The following BEAN1 variants were observed in gnomAD, a reference collection of about 807,000 sequenced individuals.
BEAN1 encodes the protein protein BEAN1.
In BEAN1, 17 loss-of-function variants were observed where a neutral mutation model predicts 17.7. The observed-to-expected ratio is 0.96, with a 90% CI of 0.66 to 1.44. BEAN1 has a LOEUF of 1.44. Ranked by LOEUF, BEAN1 falls within the 40% of genes most tolerant of loss-of-function variation. BEAN1 has a pLI of 0.00. For synonymous variants in BEAN1, 142 were observed against 151.8 expected, an observed-to-expected ratio of 0.94 and a Z score of 0.47; for missense variants, 359 against 374.1, an observed-to-expected ratio of 0.96 and a Z score of 0.33.
rs1964002921 is a variant in BEAN1 at position 66,482,025 on chromosome 16, C to T, written c.*1100C>T. The T allele has an allele frequency of 6.6e-6, 1 of 152,312 alleles. No individual in the cohort carries two copies. Among genetic ancestry groups the T allele is most frequent in the Non-Finnish European group, 1.5e-5 (1 of 68,096 alleles). 9.4% of individuals were successfully genotyped at this position (152,312 alleles called of 1,614,324 possible). A position where few individuals can be genotyped will look rare whatever the true frequency, so the allele number is the denominator to read the frequency against. On this transcript the variant is annotated 3_prime_UTR_variant, in exon 5 of 5. Coordinates refer to ENST00000536005, the MANE Select transcript of BEAN1 (RefSeq NM_001178020.3). ...CCCCATAAATACCACCTTGCCACCACAAGAGGACCAGAAGGCTACTCAGCC... is the reference window on the plus strand; with the variant it reads ...CCCCATAAATACCACCTTGCCACCATAAGAGGACCAGAAGGCTACTCAGCC...
intron 4 of BEAN1, 177 bp downstream of exon 4, chr16:66,477,887 C>A: frequency 3.2e-6 from 2 of 621,194 alleles, no homozygotes; most frequent in Non-Finnish European, 2.5e-6. Context: ...CCCACTGAGG[C>A]AGTGTGACTT....
intron 2 of BEAN1, among the ~76,000 whole-genome samples, chr16:66,460,348 C>T (rs929214343): frequency 6.6e-6 from 1 of 152,176 alleles, no homozygotes; most frequent in African/African-American, 2.4e-5. Context: ...GAGTTTAGAG[C>T]CTGATGGATG....
Position 66,480,786 on chromosome 16 carries a change from C to A in BEAN1, c.641C>A (p.Pro214His). Residue 214 changes from proline to histidine, a missense_variant, in exon 5 of 5, where the codon CCC (proline) becomes CAC (histidine). By Grantham distance (77) the Pro-to-His change is moderately conservative. Transcript: ENST00000536005. ...GLHTVSMDTL[P>H]PYEAVCGAGP... ...CACACGGTCTCCATGGACACCCTTCCCCCCTACGAGGCTGTGTGCGGGGCT... is the reference window on the plus strand; with the variant it reads ...CACACGGTCTCCATGGACACCCTTCACCCCTACGAGGCTGTGTGCGGGGCT... 6.4e-7 allele frequency: 1 copy of A among 1,550,480 alleles called. No individual in the cohort carries two copies. Among genetic ancestry groups the A allele is most frequent in the South Asian group, 1.2e-5 (1 of 83,930 alleles).
At chr16:66,453,059 A>T (rs1397569935) in intron 2 of BEAN1, among the ~76,000 whole-genome samples, 1 of 152,158 alleles carries the variant, frequency 6.6e-6, no homozygotes, top group Non-Finnish European at 1.5e-5. Context: ...TTTCAAAAAA[A>T]CAACTTTTGG....
At position 66,471,282 on chromosome 16, in the gene BEAN1, G is replaced by A. The variant is rs1419663264; in HGVS notation, c.289+1417G>A. 6.6e-6 allele frequency among the ~76,000 whole-genome samples: 1 copy of A among 152,218 alleles called. No individual in the cohort carries two copies. Among genetic ancestry groups the A allele is most frequent in the Admixed American group, 6.5e-5 (1 of 15,286 alleles). On this transcript the variant is annotated intron_variant, in intron 3 of 4. Coordinates refer to ENST00000536005, the MANE Select transcript of BEAN1 (RefSeq NM_001178020.3). The surrounding 1 kb of genome is among the most constrained non-coding windows in gnomAD (Gnocchi z 4.7). ...ACAGGAGCCTGGGTAGTAATGGCCA[G>A]TGAGTAAGGAGTGCTTGCTGGGTGC...
intron 2 of BEAN1, among the ~76,000 whole-genome samples, chr16:66,457,536 C>T (rs908633415): frequency 6.6e-6 from 1 of 152,156 alleles, no homozygotes; most frequent in African/African-American, 2.4e-5. Flanking sequence ...GTATCCTTTT[C>T]CTCACCCCAT....
At chr16:66,484,771 CTG>C (rs1964063183), downstream of BEAN1, 1 of 454,012 alleles carries the variant, frequency 2.2e-6, no homozygotes, top group African/African-American at 2.0e-5. This position sits in a 1 kb window ranked among gnomAD's most constrained non-coding sequence, Gnocchi z 4.2. Context: ...ACTGGTGACT[CTG>C]AGACACAGAG....
Position 66,480,791 on chromosome 16 carries a change from T to C in BEAN1, c.646T>C (p.Tyr216His). Residue 216 changes from tyrosine to histidine, a missense_variant, in exon 5 of 5, where the codon TAC (tyrosine) becomes CAC (histidine). Tyr to His is a moderately conservative substitution (Grantham distance 83). Coordinates refer to ENST00000536005, the MANE Select transcript of BEAN1 (RefSeq NM_001178020.3). ...HTVSMDTLPP[Y>H]EAVCGAGPPS... ...GGTCTCCATGGACACCCTTCCCCCC[T>C]ACGAGGCTGTGTGCGGGGCTGGCCC... is the stretch of plus-strand genomic sequence containing the variant. 6.5e-7 allele frequency: 1 copy of C among 1,549,566 alleles called. No individual in the cohort carries two copies. Among genetic ancestry groups the C allele is most frequent in the Non-Finnish European group, 8.7e-7 (1 of 1,146,114 alleles).
intron 2 of BEAN1, among the ~76,000 whole-genome samples, chr16:66,454,987 C>T (rs1757524494): frequency 1.3e-5 from 2 of 152,212 alleles, no homozygotes; most frequent in South Asian, 4.1e-4. Context: ...CAGTCTTTTT[C>T]ATACTAAGTG....
At chr16:66,457,412 G>C (rs1306948490) in intron 2 of BEAN1, among the ~76,000 whole-genome samples, 1 of 152,176 alleles carries the variant, frequency 6.6e-6, no homozygotes, top group Non-Finnish European at 1.5e-5. Flanking sequence ...CCTGTCCACT[G>C]TAATCTGCCC....
downstream of BEAN1, among the ~76,000 whole-genome samples, chr16:66,487,800 T>C (rs890256453): frequency 5.9e-5 from 9 of 152,130 alleles, no homozygotes; most frequent in African/African-American, 2.2e-4. Flanking sequence ...TCAGCCCACC[T>C]AGGCCAAAGC....
intron 2 of BEAN1, among the ~76,000 whole-genome samples, chr16:66,458,563 G>A (rs1474827038): frequency 6.9e-6 from 1 of 144,572 alleles, no homozygotes; most frequent in Non-Finnish European, 1.5e-5. Flanking sequence ...CAGTTCTCCG[G>A]CCCCCACCCC....
intron 2 of BEAN1, chr16:66,451,432 G>GT (rs1217069472): frequency 6.6e-6 from 1 of 152,078 alleles, no homozygotes; most frequent in Non-Finnish European, 1.5e-5. Flanking sequence ...TCCAACCAAA[G>GT]TTTTTTTATT....
chr16:66,472,831 G>A (rs1190965878), intron 3 of BEAN1, among the ~76,000 whole-genome samples: 1 of 152,072 alleles, frequency 6.6e-6, no homozygotes, highest in Non-Finnish European at 1.5e-5. Context: ...ACCAGCCTGG[G>A]CAACACAGCA....
At chr16:66,486,987 G>C (rs1342046479), downstream of BEAN1, among the ~76,000 whole-genome samples, 1 of 152,200 alleles carries the variant, frequency 6.6e-6, no homozygotes, top group East Asian at 1.9e-4. Context: ...TCTTGAATCT[G>C]TGCCAGCTCT....
chr16:66,477,637 C>A lies in BEAN1; in HGVS notation c.367C>A (p.Pro123Thr). 6.4e-7 allele frequency: 1 copy of A among 1,551,254 alleles called. No individual in the cohort carries two copies. The highest frequency in any genetic ancestry group is 8.7e-7 in the Non-Finnish European group (1 of 1,146,786). Residue 123 changes from proline to threonine, a missense_variant, in exon 4 of 5, where the codon CCC (proline) becomes ACC (threonine). Physicochemically the swap from Pro to Thr is conservative, Grantham distance 38. Transcript: ENST00000536005. ...ACSSSEDWPPPLDISSDGDVD... is the reference protein window; with the variant it reads ...ACSSSEDWPPTLDISSDGDVD... ...CAGCTCCTCAGAGGACTGGCCCCCA[C>A]CCTTGGACATCAGCTCTGACGGGGA...
intron 2 of BEAN1, among the ~76,000 whole-genome samples, chr16:66,461,044 T>C (rs1964793739): frequency 6.6e-6 from 1 of 151,890 alleles, no homozygotes; most frequent in African/African-American, 2.4e-5. Context: ...GGGGAGGTGG[T>C]ATCTCAGAGA....
intron 2 of BEAN1, 67 bp from the exon 3 acceptor site, chr16:66,469,535 C>G (rs1011188985): frequency 3.2e-5 from 46 of 1,446,516 alleles, no homozygotes; most frequent in Admixed American, 1.4e-4. Flanking sequence ...CAGGGCAGCA[C>G]GGGCAGAGAA....
At chr16:66,474,723 AAAAGGAAAAAG>A (rs1239823789) in intron 3 of BEAN1, among the ~76,000 whole-genome samples, 3 of 151,946 alleles carry the variant, frequency 2.0e-5, no homozygotes, top group Admixed American at 6.6e-5. Context: ...GAGAGAAAGA[AAAAGGAAAAAG>A]AAAGGAAAGA....
Sources: gnomAD v4.1 joint callset for allele counts (sites outside exome capture counted in the v4.1 genomes callset) on GRCh38, gnomAD v4.1.1 for gene constraint, Gnocchi (gnomAD v3.1) non-coding constraint, MANE v1.5 for transcripts, NCBI Gene and HGNC (gene_info 2026-07-23, HGNC 2026-07-21) for gene names.